The following TCF23 variants were observed in gnomAD, a reference collection of about 807,000 sequenced individuals.
TCF23 encodes transcription factor 23.
In TCF23, 7 loss-of-function variants were observed where a neutral mutation model predicts 13.0. The observed-to-expected ratio is 0.54, with a 90% CI of 0.31 to 1.01. TCF23 has a LOEUF of 1.01. TCF23 is among the 50% of genes least tolerant of loss of function. The probability of loss-of-function intolerance (pLI) is 0.06; values close to 1 mark genes in which losing one functional copy is unlikely to be tolerated. For missense variants in TCF23, 257 were observed against 289.8 expected, an observed-to-expected ratio of 0.89 and a Z score of 0.82; for synonymous variants, 122 against 119.5, an observed-to-expected ratio of 1.02 and a Z score of -0.14.
rs541703795 is a variant in TCF23 at position 27,150,593 on chromosome 2, G to A, written c.465+228G>A. ...AGTGTGGCTGGAAATGGCTTCATGG[G>A]AATGCACCTCCTTGAAGAGGAGGGA... On this transcript the variant is annotated intron_variant, in intron 2 of 2. Coordinates refer to ENST00000296096, the MANE Select transcript of TCF23 (RefSeq NM_175769.3). This position sits in a 1 kb window ranked among gnomAD's most constrained non-coding sequence, Gnocchi z 4.1. 2.2e-4 allele frequency among the ~76,000 whole-genome samples: 33 copies of A among 152,146 alleles called. No homozygotes were observed. The highest frequency in any genetic ancestry group is 4.1e-4 in the Non-Finnish European group (28 of 68,016).
chr2:27,150,110 G>T lies in TCF23; in HGVS notation c.223-13G>T, dbSNP rs772350113. ...GTCCAGGTCACACACACTCACTGGGGCCCTCTGTGCAGAGCGAGGCCAGTC... is the reference window on the plus strand; with the variant it reads ...GTCCAGGTCACACACACTCACTGGGTCCCTCTGTGCAGAGCGAGGCCAGTC... On this transcript the variant is annotated splice_polypyrimidine_tract_variant and intron_variant, in intron 1 of 2. Coordinates refer to ENST00000296096, the MANE Select transcript of TCF23 (RefSeq NM_175769.3). This position sits in a 1 kb window ranked among gnomAD's most constrained non-coding sequence, Gnocchi z 4.1. 4 of 1,589,930 alleles carry T rather than the reference G, an allele frequency of 2.5e-6. No homozygotes were observed. In the African/African-American group the frequency reaches 5.4e-5, roughly 21 times the overall value.
chr2:27,149,794 C>T (rs780946154), intron 1 of TCF23: 6 of 646,024 alleles, frequency 9.3e-6, no homozygotes, highest in African/African-American at 1.8e-5. Context: ...GGCCCCAGCA[C>T]ACCCTGATAA....
At position 27,156,544 on chromosome 2, in the gene TCF23, ATT is replaced by A. The variant is rs759423403; in HGVS notation, c.*3691_*3692del. On this transcript the variant is annotated 3_prime_UTR_variant, in exon 3 of 3. Coordinates refer to ENST00000296096, the MANE Select transcript of TCF23 (RefSeq NM_175769.3). The stretch of plus-strand genomic sequence containing the variant: ...AGGCACCCGCCAACACGCCCGGCTA[ATT>A]TTTTTTTTTTTTTGTATTTTTAGTA... 1.3e-4 allele frequency: 19 copies of A among 140,824 alleles called. No individual in the cohort carries two copies. Among genetic ancestry groups the A allele is most frequent in the African/African-American group, 3.6e-4 (14 of 38,718 alleles). 8.7% of individuals were successfully genotyped at this position (140,824 alleles called of 1,614,324 possible). A position where few individuals can be genotyped will look rare whatever the true frequency, so the allele number is the denominator to read the frequency against.
chr2:27,151,365 C>A (rs1322284055), intron 2 of TCF23, among the ~76,000 whole-genome samples: 1 of 152,050 alleles, frequency 6.6e-6, no homozygotes, highest in African/African-American at 2.4e-5. Context: ...GACAGAGTTT[C>A]ACTCTGTCGC....
At position 27,154,954 on chromosome 2, in the gene TCF23, G is replaced by A. The variant is rs999829111; in HGVS notation, c.*2087G>A. On this transcript the variant is annotated 3_prime_UTR_variant, in exon 3 of 3. Transcript: ENST00000296096. Reference sequence around the variant, plus strand: ...TGTGTCGGGGTCCTCTGGATAGCATGGAGCTTCTCCTGATAATAGAGTAGA... The same window carrying A: ...TGTGTCGGGGTCCTCTGGATAGCATAGAGCTTCTCCTGATAATAGAGTAGA... 4 of 152,378 alleles carry A rather than the reference G, an allele frequency of 2.6e-5. No homozygotes were observed. Among genetic ancestry groups the A allele is most frequent in the African/African-American group, 9.6e-5 (4 of 41,454 alleles). 9.4% of individuals were successfully genotyped at this position (152,378 alleles called of 1,614,324 possible).
Position 27,150,370 on chromosome 2 carries a change from G to T in TCF23, c.465+5G>T. The T allele has an allele frequency of 6.2e-7, 1 of 1,610,226 alleles. No homozygotes were observed. ...CGCTACTTGCACCCTCTCAAGGTAAGTCACAAGCCCTGGGACTTGAGAGGC... is the reference window on the plus strand; with the variant it reads ...CGCTACTTGCACCCTCTCAAGGTAATTCACAAGCCCTGGGACTTGAGAGGC... On this transcript the variant is annotated splice_donor_5th_base_variant and intron_variant, in intron 2 of 2. Coordinates refer to ENST00000296096, the MANE Select transcript of TCF23 (RefSeq NM_175769.3). The surrounding 1 kb of genome is among the most constrained non-coding windows in gnomAD (Gnocchi z 4.1).
At chr2:27,149,533 G>T (rs1050944372) in intron 1 of TCF23, among the ~76,000 whole-genome samples, 178 bp downstream of exon 1, 8 of 152,130 alleles carry the variant, frequency 5.3e-5, no homozygotes. Context: ...GATCAGAGCT[G>T]GTCTTAACCA....
In TCF23 at chr2:27,150,104, A is replaced by C. The variant is rs1351114712; in HGVS notation, c.223-19A>C. On this transcript the variant is annotated intron_variant, in intron 1 of 2. Transcript: ENST00000296096. The surrounding 1 kb of genome is among the most constrained non-coding windows in gnomAD (Gnocchi z 4.1). ...TTGGGAGTCCAGGTCACACACACTC[A>C]CTGGGGCCCTCTGTGCAGAGCGAGG... 4 of 1,588,136 alleles carry C rather than the reference A, an allele frequency of 2.5e-6. No individual in the cohort carries two copies. The highest frequency in any genetic ancestry group is 3.4e-6 in the Non-Finnish European group (4 of 1,169,604).
Position 27,153,530 on chromosome 2 carries a change from CTTTTCGTTTCTTCTTCTTTTT to C in TCF23, c.*664_*684del, listed in dbSNP as rs1281444377. On this transcript the variant is annotated 3_prime_UTR_variant, in exon 3 of 3. Transcript: ENST00000296096. Reference sequence around the variant, plus strand: ...CCACTCTTTTCTTTTCTTTTCTTTTCTTTTCGTTTCTTCTTCTTTTTATGTAGAGATGGGGGTCTTGATATG... The same window carrying C: ...CCACTCTTTTCTTTTCTTTTCTTTTCATGTAGAGATGGGGGTCTTGATATG... 1 of 160,046 alleles carries C rather than the reference CTTTTCGTTTCTTCTTCTTTTT, an allele frequency of 6.2e-6. No individual in the cohort carries two copies. The highest frequency in any genetic ancestry group is 1.8e-4 in the East Asian group (1 of 5,408). 9.9% of individuals were successfully genotyped at this position (160,046 alleles called of 1,614,324 possible). A position where few individuals can be genotyped will look rare whatever the true frequency, so the allele number is the denominator to read the frequency against.
At position 27,155,952 on chromosome 2, in the gene TCF23, G is replaced by A. The variant is rs531040029; in HGVS notation, c.*3085G>A. ...TGGGATTGGGATGGAGGTGGAGGTG[G>A]GGAACAAGACTTCCCTGCTGGCTCC... On this transcript the variant is annotated 3_prime_UTR_variant, in exon 3 of 3. Transcript: ENST00000296096. 6.6e-6 allele frequency: 1 copy of A among 152,390 alleles called. No individual in the cohort carries two copies. The highest frequency in any genetic ancestry group is 1.9e-4 in the East Asian group (1 of 5,168). The allele number at this position is 152,390 out of a possible 1,614,324, so 9.4% of individuals were successfully genotyped here. A position where few individuals can be genotyped will look rare whatever the true frequency, so the allele number is the denominator to read the frequency against.
rs35823531 is a variant in TCF23 at position 27,149,321 on chromosome 2, G to A, written c.188G>A (p.Arg63Gln). The A allele has an allele frequency of 6.9e-6, 11 of 1,591,198 alleles. No homozygotes were observed. The East Asian group carries it at 1.8e-4, about 26-fold the overall frequency. The change falls in exon 1 of 3, where the codon CGA becomes CAA. Residue 63 changes from arginine (R) to glutamine (Q), a missense_variant. Transcript: ENST00000296096. ...TGGAGCAGAGCTACCCCTGGCCCTCGAGGGACCAGGGCTGGGGGCCTGGCT... is the reference window on the plus strand; with the variant it reads ...TGGAGCAGAGCTACCCCTGGCCCTCAAGGGACCAGGGCTGGGGGCCTGGCT... ...QRWSRATPGP[R>Q]GTRAGGLALG...
At chr2:27,151,301 G>A (rs1014510516) in intron 2 of TCF23, among the ~76,000 whole-genome samples, 15 of 151,992 alleles carry the variant, frequency 9.9e-5, no homozygotes, top group African/African-American at 3.6e-4. Context: ...CATTGCAGTG[G>A]TATCAACTTT....
At position 27,153,075 on chromosome 2, in the gene TCF23, G is replaced by GA; in HGVS notation, c.*208_*209insA. The GA allele has an allele frequency of 8.1e-7, 1 of 1,230,718 alleles. No homozygotes were observed. The highest frequency in any genetic ancestry group is 1.1e-6 in the Non-Finnish European group (1 of 946,690). 76.2% of individuals were successfully genotyped at this position (1,230,718 alleles called of 1,614,324 possible). A position where few individuals can be genotyped will look rare whatever the true frequency, so the allele number is the denominator to read the frequency against. ...GAGCCTCCTCCTTGGTCCCCAGGAG[G>GA]GGACTTCCCCATGGCTCTTCTGTGA... On this transcript the variant is annotated 3_prime_UTR_variant, in exon 3 of 3. Coordinates refer to ENST00000296096, the MANE Select transcript of TCF23 (RefSeq NM_175769.3).
chr2:27,149,958 G>T (rs1672733976), intron 1 of TCF23, 165 bp from the exon 2 acceptor site: 1 of 1,210,178 alleles, frequency 8.3e-7, no homozygotes, highest in African/African-American at 1.5e-5. Flanking sequence ...TTCCTCAGCT[G>T]TGAAACGCGG....
rs1226636963 is a variant in TCF23, at chr2:27,152,750, C to T, written c.528C>T (p.Thr176=). The change falls in exon 3 of 3, where the codon ACC becomes ACT. Residue 176 remains threonine (T), a synonymous_variant. Transcript: ENST00000296096. ...TGGGGTACTCCGATCTTGACTCCAC[C>T]ACAGCCAGCACCCCCAGCCAAAGAA... is the stretch of plus-strand genomic sequence containing the variant. The part of the protein sequence containing the change: ...GGLGYSDLDS[T]TASTPSQRTR... 1 of 1,614,128 alleles carries T rather than the reference C, an allele frequency of 6.2e-7. No homozygotes were observed. Among genetic ancestry groups the T allele is most frequent in the South Asian group, 1.1e-5 (1 of 91,084 alleles).
intron 2 of TCF23, among the ~76,000 whole-genome samples, 162 bp from the exon 3 acceptor site, chr2:27,152,526 T>TA (rs1672775609): frequency 6.6e-6 from 1 of 152,132 alleles, no homozygotes; most frequent in Admixed American, 6.5e-5. Flanking sequence ...ATCAGGAGAA[T>TA]GTGTGGGGCT....
In TCF23 at chr2:27,156,869, A is replaced by G. The variant is rs536155142; in HGVS notation, c.*4002A>G. On this transcript the variant is annotated 3_prime_UTR_variant, in exon 3 of 3. Coordinates refer to ENST00000296096, the MANE Select transcript of TCF23 (RefSeq NM_175769.3). ...CATGAGCCCTAAACCCAGGGCCCCT[A>G]AAAGCTTATTCTATTCTAGATCAAG... 2.8e-4 allele frequency: 42 copies of G among 152,378 alleles called. No individual in the cohort carries two copies. The highest frequency in any genetic ancestry group is 8.9e-4 in the African/African-American group (37 of 41,588). 9.4% of individuals were successfully genotyped at this position (152,378 alleles called of 1,614,324 possible). A position where few individuals can be genotyped will look rare whatever the true frequency, so the allele number is the denominator to read the frequency against.
rs537954163 is a variant in TCF23, at chr2:27,150,442, G to A, written c.465+77G>A. The A allele has an allele frequency of 2.9e-5, 46 of 1,569,954 alleles. 1 individual carries two copies. In the South Asian group the frequency reaches 5.0e-4, roughly 17 times the overall value. ...TGGAGAAAGGGATTGGAATGAGGGG[G>A]GACATTGGACTTGGGCCCCCTGCCC... is the stretch of plus-strand genomic sequence containing the variant. On this transcript the variant is annotated intron_variant, in intron 2 of 2. Transcript: ENST00000296096. The surrounding 1 kb of genome is among the most constrained non-coding windows in gnomAD (Gnocchi z 4.1).
At position 27,153,928 on chromosome 2, in the gene TCF23, C is replaced by G. The variant is rs1016140499; in HGVS notation, c.*1061C>G. The G allele has an allele frequency of 5.3e-5, 8 of 152,220 alleles. No homozygotes were observed. The highest frequency in any genetic ancestry group is 1.9e-4 in the African/African-American group (8 of 41,444). The allele number at this position is 152,220 out of a possible 1,614,324, so 9.4% of individuals were successfully genotyped here. A position where few individuals can be genotyped will look rare whatever the true frequency, so the allele number is the denominator to read the frequency against. On this transcript the variant is annotated 3_prime_UTR_variant, in exon 3 of 3. Transcript: ENST00000296096. ...TATAGGGGGTGATCATTACAGTCTT[C>G]TCTTTCCATTATGTTAGAAACCTGC...
Sources: gnomAD v4.1 joint callset for allele counts (sites outside exome capture counted in the v4.1 genomes callset) on GRCh38, gnomAD v4.1.1 for gene constraint, Gnocchi (gnomAD v3.1) non-coding constraint, MANE v1.5 for transcripts, NCBI Gene and HGNC (gene_info 2026-07-23, HGNC 2026-07-21) for gene names.